Variants in COX16 observed in about 807,000 individuals in gnomAD.
COX16 encodes cytochrome c oxidase assembly protein COX16 homolog, mitochondrial.
Under a neutral mutation model 15.4 loss-of-function variants are expected in COX16, and 12 were observed. The observed-to-expected ratio is 0.78, with a 90% CI of 0.50 to 1.26. The LOEUF is 1.26. COX16 is among the 50% of genes most tolerant of loss of function. The probability of loss-of-function intolerance (pLI) is 0.00; values close to 1 mark genes in which losing one functional copy is unlikely to be tolerated. For missense variants in COX16, 124 were observed against 127.6 expected, an observed-to-expected ratio of 0.97 and a Z score of 0.14; for synonymous variants, 46 against 41.1, an observed-to-expected ratio of 1.12 and a Z score of -0.46.
intron 1 of COX16, among the ~76,000 whole-genome samples, chr14:70,343,979 G>C (rs556115196): frequency 6.6e-6 from 1 of 152,196 alleles, no homozygotes; most frequent in Non-Finnish European, 1.5e-5. Context: ...GGCTTGGGAA[G>C]TGGGGAGTGT....
chr14:70,334,504 A>C (rs780483196), intron 2 of COX16, among the ~76,000 whole-genome samples: 27 of 152,234 alleles, frequency 1.8e-4, no homozygotes, highest in Non-Finnish European at 3.5e-4. Context: ...GCAATAAAGC[A>C]AGACTCCATC....
chr14:70,339,479 A>G (rs1886561011), intron 2 of COX16, among the ~76,000 whole-genome samples: 1 of 152,078 alleles, frequency 6.6e-6, no homozygotes, highest in Admixed American at 6.6e-5. Flanking sequence ...GGTCACCCCA[A>G]ATCCATATTG....
Position 70,352,705 on chromosome 14 carries a change from G to A in COX16, c.69+6814C>T, listed in dbSNP as rs193148046. On this transcript the variant is annotated intron_variant, in intron 1 of 3. Transcript: ENST00000389912. ...CTGTCACTCAGGCTGGAGTGCAGTG[G>A]CGCGATCTCGGCTCACTGCAACCTC... Among the ~76,000 whole-genome samples the A allele has an allele frequency of 2.7e-4, 37 of 136,762 alleles. 1 individual carries two copies. The highest frequency in any genetic ancestry group is 9.8e-4 in the African/African-American group (37 of 37,574). The allele number at this position is 136,762 out of a possible 152,430, so 89.7% of individuals were successfully genotyped here.
chr14:70,353,311 A>T (rs1170203514), intron 1 of COX16, among the ~76,000 whole-genome samples: 1 of 149,810 alleles, frequency 6.7e-6, no homozygotes, highest in Non-Finnish European at 1.5e-5. Context: ...TTAATCCATC[A>T]TTCTGAAGCT....
intron 1 of COX16, among the ~76,000 whole-genome samples, chr14:70,347,646 GCTAT>G (rs1205210639): frequency 1.3e-5 from 2 of 152,058 alleles, no homozygotes; most frequent in African/African-American, 2.4e-5. Context: ...CAACGCCCAT[GCTAT>G]CTCTCTCTTT....
At position 70,326,435 on chromosome 14, in the gene COX16, G is replaced by A. The variant is rs781500383; in HGVS notation, c.219C>T (p.Ser73=). The change falls in exon 4 of 4, where the codon TCC becomes TCT. Residue 73 remains serine, a synonymous_variant. Coordinates refer to ENST00000389912, the MANE Select transcript of COX16 (RefSeq NM_016468.7). ...GAATATTCTTCCAGTCATCAAACTT[G>A]GAGTCTTTGATTTTCTATAGAACCA... ...LESEYEKIKD[S]KFDDWKNIRG... 6.9e-6 allele frequency: 11 copies of A among 1,584,998 alleles called. No homozygotes were observed. The East Asian group carries it at 1.4e-4, about 20-fold the overall frequency.
In COX16 at chr14:70,328,854, T is replaced by TGTATGTATGA. The variant is rs1306931037; in HGVS notation, c.204+319_204+320insTCATACATAC. ...TTGTATGTATGAACCCATTGATCTTTACTTTTAGAGCTTCTGGGTTTTATA... is the reference window on the plus strand; with the variant it reads ...TTGTATGTATGAACCCATTGATCTTTGTATGTATGAACTTTTAGAGCTTCTGGGTTTTATA... On this transcript the variant is annotated intron_variant, in intron 3 of 3. Coordinates refer to ENST00000389912, the MANE Select transcript of COX16 (RefSeq NM_016468.7). 1.2e-3 allele frequency among the ~76,000 whole-genome samples: 180 copies of TGTATGTATGA among 152,264 alleles called. 1 individual carries two copies. Among genetic ancestry groups the TGTATGTATGA allele is most frequent in the African/African-American group, 4.3e-3 (177 of 41,574 alleles).
At chr14:70,358,250 T>C (rs10138047) in intron 1 of COX16, among the ~76,000 whole-genome samples, 109,194 of 151,778 alleles carry the variant, frequency 0.72, 39,609 homozygotes, top group East Asian at 0.93. Context: ...CTACTATTAG[T>C]TATGATGCTT....
rs746062346 is a variant in COX16 at position 70,359,567 on chromosome 14, C to T, written c.21G>A (p.Met7Ile). Residue 7 changes from methionine to isoleucine, a missense_variant, in exon 1 of 4, where the codon ATG becomes ATA. By Grantham distance (10) the Met-to-Ile change is conservative. Coordinates refer to ENST00000389912, the MANE Select transcript of COX16 (RefSeq NM_016468.7). MFAPAV[M>I]RAFRKNKTLG... is the part of the protein sequence containing the mutation. ...GAGTCTTGTTCTTGCGAAAAGCACG[C>T]ATCACCGCGGGTGCAAACATGAGTG... 2 of 1,614,116 alleles carry T rather than the reference C, an allele frequency of 1.2e-6. No homozygotes were observed. Among genetic ancestry groups the T allele is most frequent in the East Asian group, 4.5e-5 (2 of 44,878 alleles).
At chr14:70,334,735 G>A (rs575154224) in intron 2 of COX16, among the ~76,000 whole-genome samples, 1 of 152,236 alleles carries the variant, frequency 6.6e-6, no homozygotes, top group South Asian at 2.1e-4. Context: ...AAAGCAACAA[G>A]TTAAAATATA....
At chr14:70,329,404 C>G (rs544000570) in intron 2 of COX16, among the ~76,000 whole-genome samples, 168 bp from the exon 3 acceptor site, 358 of 152,042 alleles carry the variant, frequency 2.4e-3, no homozygotes, top group African/African-American at 8.1e-3. Context: ...TGTACTACTG[C>G]CAGCATTATT....
intron 1 of COX16, among the ~76,000 whole-genome samples, chr14:70,352,890 AAAAG>A (rs1176466323): frequency 1.3e-5 from 2 of 152,096 alleles, no homozygotes; most frequent in Non-Finnish European, 2.9e-5. Flanking sequence ...TCTAAAGAAA[AAAAG>A]AAATCTCATG....
intron 1 of COX16, among the ~76,000 whole-genome samples, chr14:70,350,743 T>C (rs957127578): frequency 6.6e-6 from 1 of 152,262 alleles, no homozygotes; most frequent in Admixed American, 6.5e-5. Flanking sequence ...ATAAGAAATA[T>C]AATTTGAGTA....
At chr14:70,339,762 C>A (rs1206851153) in intron 2 of COX16, among the ~76,000 whole-genome samples, 1 of 152,198 alleles carries the variant, frequency 6.6e-6, no homozygotes, top group Non-Finnish European at 1.5e-5. Flanking sequence ...AACACTGACT[C>A]TTGATCACCT....
intron 2 of COX16, among the ~76,000 whole-genome samples, chr14:70,330,162 AAAG>A (rs1277391964): frequency 6.6e-6 from 1 of 152,278 alleles, no homozygotes; most frequent in African/African-American, 2.4e-5. Context: ...TTAAGAGAAA[AAAG>A]AGAAGTCACA....
intron 2 of COX16, among the ~76,000 whole-genome samples, chr14:70,329,508 T>G (rs1341807152): frequency 6.6e-6 from 1 of 152,076 alleles, no homozygotes; most frequent in Non-Finnish European, 1.5e-5. Flanking sequence ...ATCCATGAGA[T>G]CTGTATTATA....
At chr14:70,358,159 C>A (rs1400097825) in intron 1 of COX16, among the ~76,000 whole-genome samples, 1 of 152,006 alleles carries the variant, frequency 6.6e-6, no homozygotes, top group Non-Finnish European at 1.5e-5. Context: ...ATGAAATGTG[C>A]AGAATAAGCA....
Position 70,352,568 on chromosome 14 carries a change from T to C in COX16, c.69+6951A>G, listed in dbSNP as rs556753789. On this transcript the variant is annotated intron_variant, in intron 1 of 3. Coordinates refer to ENST00000389912, the MANE Select transcript of COX16 (RefSeq NM_016468.7). Reference sequence around the variant, plus strand: ...TTATATAATTATATATATGTAAACATAATGCATATTACATACATTATTTAT... The same window carrying C: ...TTATATAATTATATATATGTAAACACAATGCATATTACATACATTATTTAT... 8.0e-5 allele frequency among the ~76,000 whole-genome samples: 10 copies of C among 124,896 alleles called. No homozygotes were observed. In the South Asian group the frequency reaches 2.3e-3, roughly 29 times the overall value. 81.9% of individuals were successfully genotyped at this position (124,896 alleles called of 152,430 possible). A position where few individuals can be genotyped will look rare whatever the true frequency, so the allele number is the denominator to read the frequency against.
At chr14:70,357,101 G>C (rs917929437) in intron 1 of COX16, among the ~76,000 whole-genome samples, 4 of 124,624 alleles carry the variant, frequency 3.2e-5, no homozygotes, top group Non-Finnish European at 6.3e-5. Context: ...GCTCTCTGTA[G>C]TTTACCTGAC....
Sources: gnomAD v4.1 joint callset for allele counts (sites outside exome capture counted in the v4.1 genomes callset) on GRCh38, gnomAD v4.1.1 for gene constraint, MANE v1.5 for transcripts, NCBI Gene and HGNC (gene_info 2026-07-23, HGNC 2026-07-21) for gene names.